MARCHF4: variants seen among roughly 807,000 people sequenced by gnomAD.
The protein encoded by MARCHF4 is E3 ubiquitin-protein ligase MARCHF4.
In MARCHF4, 14 loss-of-function variants were observed where a neutral mutation model predicts 43.9. The ratio of observed to expected loss-of-function variants is 0.32; its 90% confidence interval spans 0.21 to 0.50. The LOEUF is 0.50. Ranked by LOEUF, MARCHF4 falls within the 20% of genes least tolerant of loss-of-function variation. The probability of loss-of-function intolerance (pLI) is 0.98; values close to 1 mark genes in which losing one functional copy is unlikely to be tolerated. For missense variants in MARCHF4, 468 were observed against 536.7 expected (o/e 0.87, Z 1.27); for synonymous variants, 226 against 213.3 (o/e 1.06, Z -0.52).
rs1226715517 is a variant in MARCHF4, at chr2:216,326,198, C to T, written c.517-42469G>A. ...AAGAAGACATTTATGCAGCCAAAAA[C>T]CACATGAAAAAATGCTCCCCATCAC... is the stretch of plus-strand genomic sequence containing the variant. On this transcript the variant is annotated intron_variant, in intron 1 of 3. Coordinates refer to ENST00000273067, the MANE Select transcript of MARCHF4 (RefSeq NM_020814.3). Among the ~76,000 whole-genome samples, 418 of 152,162 alleles carry T rather than the reference C, an allele frequency of 2.7e-3. 4 individuals are homozygous for T. The highest frequency in any genetic ancestry group is 9.8e-3 in the African/African-American group (408 of 41,492).
In MARCHF4 at chr2:216,350,412, G is replaced by T. The variant is rs1415146204; in HGVS notation, c.516+19333C>A. Among the ~76,000 whole-genome samples, 18 of 148,386 alleles carry T rather than the reference G, an allele frequency of 1.2e-4. No homozygotes were observed. The Admixed American group carries it at 1.2e-3, about 10-fold the overall frequency. ...TCACCATGCCACAACCCCTCACCAT[G>T]CCACACCCCCTCACTATGCCAGAAC... On this transcript the variant is annotated intron_variant, in intron 1 of 3. Transcript: ENST00000273067.
intron 1 of MARCHF4, among the ~76,000 whole-genome samples, chr2:216,356,395 G>T (rs1247562895): frequency 6.6e-6 from 1 of 152,178 alleles, no homozygotes; most frequent in African/African-American, 2.4e-5. Context: ...ACCAGAAAGG[G>T]AACTAATACT....
intron 1 of MARCHF4, among the ~76,000 whole-genome samples, chr2:216,284,798 AT>A (rs1455212089): frequency 2.6e-5 from 4 of 152,132 alleles, no homozygotes; most frequent in Non-Finnish European, 5.9e-5. Flanking sequence ...TTCAACTCCT[AT>A]CATTCAAGGA....
intron 1 of MARCHF4, among the ~76,000 whole-genome samples, chr2:216,330,260 T>A (rs529081149): frequency 1.1e-3 from 162 of 152,320 alleles, no homozygotes; most frequent in Admixed American, 3.0e-3. Context: ...GTGTGGTCAA[T>A]TTTTTCATTG....
chr2:216,364,854 A>G (rs1692641093), intron 1 of MARCHF4, among the ~76,000 whole-genome samples: 1 of 152,230 alleles, frequency 6.6e-6, no homozygotes, highest in Non-Finnish European at 1.5e-5. Flanking sequence ...AAAGTTCTAA[A>G]TTCAAACCTG....
At chr2:216,331,290 T>TA (rs905071536) in intron 1 of MARCHF4, among the ~76,000 whole-genome samples, 15 of 151,566 alleles carry the variant, frequency 9.9e-5, no homozygotes, top group South Asian at 4.2e-4. Context: ...AAGCACAATT[T>TA]AAAAAAAACA....
chr2:216,263,566 A>G (rs1198763291), intron 3 of MARCHF4, among the ~76,000 whole-genome samples: 69 of 151,538 alleles, frequency 4.6e-4, no homozygotes, highest in Admixed American at 2.1e-3. Flanking sequence ...AAGAAAAAGA[A>G]AGAAAGAAAG....
intron 2 of MARCHF4, 35 bp downstream of exon 2, chr2:216,283,539 G>A: frequency 6.4e-7 from 1 of 1,556,384 alleles, no homozygotes; most frequent in South Asian, 1.2e-5. Context: ...GAAGCCCCAG[G>A]CCCAGCAACC....
chr2:216,307,066 G>T (rs911765477), intron 1 of MARCHF4, among the ~76,000 whole-genome samples: 4 of 152,052 alleles, frequency 2.6e-5, no homozygotes, highest in African/African-American at 9.7e-5. Flanking sequence ...CTCACCCTGG[G>T]AGCAGCACGA....
intron 1 of MARCHF4, among the ~76,000 whole-genome samples, chr2:216,309,705 C>G (rs972454479): frequency 1.3e-5 from 2 of 152,210 alleles, no homozygotes; most frequent in Non-Finnish European, 2.9e-5. Context: ...CTTGCTTCCA[C>G]ATGGAGAGAC....
At chr2:216,329,109 G>A (rs778623416) in intron 1 of MARCHF4, among the ~76,000 whole-genome samples, 14 of 150,560 alleles carry the variant, frequency 9.3e-5, no homozygotes, top group Admixed American at 2.6e-4. Context: ...GGCCGGGCGC[G>A]GTGGCTCACG....
intron 3 of MARCHF4, among the ~76,000 whole-genome samples, chr2:216,263,435 AAGAGAGAG>A (rs10557836): frequency 3.3e-4 from 46 of 137,346 alleles, no homozygotes; most frequent in Admixed American, 1.7e-3. Flanking sequence ...CTGAAAGAGA[AAGAGAGAG>A]AGAGAGAGAG....
intron 1 of MARCHF4, among the ~76,000 whole-genome samples, chr2:216,309,092 C>G (rs558532589): frequency 6.6e-6 from 1 of 152,288 alleles, no homozygotes; most frequent in African/African-American, 2.4e-5. Context: ...CCCCTATAAG[C>G]ATAAAAACTG....
At chr2:216,351,846 G>A (rs945019440) in intron 1 of MARCHF4, among the ~76,000 whole-genome samples, 5 of 152,140 alleles carry the variant, frequency 3.3e-5, no homozygotes, top group Non-Finnish European at 7.3e-5. Flanking sequence ...CCAACATGAG[G>A]GTAGGTGGTA....
chr2:216,291,671 G>A (rs936723611), intron 1 of MARCHF4, among the ~76,000 whole-genome samples: 1 of 152,124 alleles, frequency 6.6e-6, no homozygotes, highest in Non-Finnish European at 1.5e-5. Flanking sequence ...CACTTCAAAT[G>A]TTGATCAATT....
chr2:216,342,723 G>T (rs1051290959), intron 1 of MARCHF4, among the ~76,000 whole-genome samples: 2 of 152,166 alleles, frequency 1.3e-5, no homozygotes, highest in African/African-American at 2.4e-5. Context: ...CTATGATCCT[G>T]CAGAAAGGCC....
At chr2:216,289,773 C>T (rs1159936159) in intron 1 of MARCHF4, among the ~76,000 whole-genome samples, 1 of 152,108 alleles carries the variant, frequency 6.6e-6, no homozygotes, top group Non-Finnish European at 1.5e-5. Flanking sequence ...CAGTCGTGTA[C>T]CATGCTGTAG....
At chr2:216,336,306 A>G (rs1046216971) in intron 1 of MARCHF4, among the ~76,000 whole-genome samples, 3 of 152,168 alleles carry the variant, frequency 2.0e-5, no homozygotes, top group African/African-American at 7.2e-5. Flanking sequence ...GTGTCTAATG[A>G]GGAAATACAC....
chr2:216,338,749 A>G (rs757368417), intron 1 of MARCHF4, among the ~76,000 whole-genome samples: 1 of 152,120 alleles, frequency 6.6e-6, no homozygotes, highest in Non-Finnish European at 1.5e-5. Flanking sequence ...ACAGCTAATC[A>G]GTGGCTGAAC....
Sources: allele counts gnomAD v4.1 joint callset (sites outside exome capture counted in the v4.1 genomes callset), GRCh38; gene constraint gnomAD v4.1.1; transcripts MANE v1.5; gene names NCBI Gene and HGNC (gene_info 2026-07-23, HGNC 2026-07-21).